Variants in DAB1 observed in about 807,000 individuals in gnomAD.
DAB1 encodes the protein DAB adaptor protein 1, also known as disabled homolog 1.
DAB1 carries 15 observed loss-of-function variants against 64.6 expected under a neutral mutation model. The ratio of observed to expected loss-of-function variants is 0.23; its 90% CI spans 0.16 to 0.36. The LOEUF is 0.36. Among genes scored for constraint, DAB1 ranks in the 10% least tolerant of loss-of-function variants. DAB1 has a pLI of 1.00. For synonymous variants in DAB1, 235 were observed against 251.9 expected, an observed-to-expected ratio of 0.93 and a Z score of 0.64; for missense variants, 596 against 706.7, an observed-to-expected ratio of 0.84 and a Z score of 1.78.
chr1:57,535,879 G>T (rs1269169288), intron 7 of DAB1, among the ~76,000 whole-genome samples: 2 of 152,168 alleles, frequency 1.3e-5, no homozygotes, highest in Non-Finnish European at 2.9e-5. Flanking sequence ...ATCTTATGAT[G>T]AAATCCAAAA....
At chr1:57,605,861 C>T (rs1645629631) in intron 7 of DAB1, 3 of 590,290 alleles carry the variant, frequency 5.1e-6, no homozygotes, top group South Asian at 1.6e-5. Context: ...GCATCTGCAA[C>T]GGTGACTTCC....
intron 6 of DAB1, among the ~76,000 whole-genome samples, chr1:57,728,209 C>G (rs920606146): frequency 6.6e-6 from 1 of 152,118 alleles, no homozygotes; most frequent in Non-Finnish European, 1.5e-5. Flanking sequence ...CTGTTTTTTT[C>G]TGCATTAAAA....
At chr1:57,125,582 A>AGGCAAGTTAGAT (rs1657063073) in intron 4 of DAB1, among the ~76,000 whole-genome samples, 1 of 152,182 alleles carries the variant, frequency 6.6e-6, no homozygotes, top group Non-Finnish European at 1.5e-5. Flanking sequence ...GAAAGGAAGA[A>AGGCAAGTTAGAT]GGCAAGTTAG....
At chr1:58,265,195 A>T (rs1325050716) in intron 4 of DAB1, among the ~76,000 whole-genome samples, 4 of 152,244 alleles carry the variant, frequency 2.6e-5, no homozygotes, top group Admixed American at 6.5e-5. Flanking sequence ...CCCATTCAAT[A>T]AACAAGGAAA....
At chr1:57,929,299 G>T (rs1410766115) in intron 5 of DAB1, among the ~76,000 whole-genome samples, 3 of 152,180 alleles carry the variant, frequency 2.0e-5, no homozygotes, top group Non-Finnish European at 2.9e-5. Context: ...TTCTTATTGA[G>T]TGTTAAGACT....
intron 4 of DAB1, among the ~76,000 whole-genome samples, chr1:58,199,889 T>C (rs1342673334): frequency 6.6e-6 from 1 of 152,204 alleles, no homozygotes; most frequent in Non-Finnish European, 1.5e-5. Context: ...CGGACCCAAG[T>C]TTCTTCCAGG....
intron 1 of DAB1, among the ~76,000 whole-genome samples, chr1:57,874,842 G>C (rs1644016370): frequency 6.6e-6 from 1 of 152,164 alleles, no homozygotes; most frequent in African/African-American, 2.4e-5. Context: ...GCAAGCTGAA[G>C]AGAGTGCAGG....
At chr1:58,204,297 G>A (rs926368765) in intron 4 of DAB1, among the ~76,000 whole-genome samples, 1 of 152,180 alleles carries the variant, frequency 6.6e-6, no homozygotes, top group Non-Finnish European at 1.5e-5. Flanking sequence ...GAAAATAATA[G>A]AACCGAATTA....
At position 58,359,532 on chromosome 1, in the gene DAB1, T is replaced by C. The variant is rs916555690; in HGVS notation, n.258-16129A>G. 5.3e-5 allele frequency among the ~76,000 whole-genome samples: 8 copies of C among 152,282 alleles called. No homozygotes were observed. In the East Asian group the frequency reaches 1.4e-3, roughly 26 times the overall value. ...GACCAGCAAGTCAAGTTAGTAAGTC[T>C]ATTGCTCAGTGTCAGTGCCAGAGCT... On this transcript the variant is annotated intron_variant and non_coding_transcript_variant, in intron 3 of 20. Coordinates refer to the DAB1 transcript ENST00000485760.
At chr1:57,411,687 T>G (rs1684126765) in intron 1 of DAB1, among the ~76,000 whole-genome samples, 1 of 152,180 alleles carries the variant, frequency 6.6e-6, no homozygotes, top group South Asian at 2.1e-4. Context: ...ACCCTCTCAT[T>G]AGCTCCATTC....
chr1:57,970,499 A>T (rs1645771729), intron 5 of DAB1, among the ~76,000 whole-genome samples: 1 of 152,122 alleles, frequency 6.6e-6, no homozygotes, highest in African/African-American at 2.4e-5. Flanking sequence ...TTAATTTAAA[A>T]CATGAGAAAA....
At chr1:57,637,798 A>T (rs185609017) in intron 7 of DAB1, among the ~76,000 whole-genome samples, 2 of 152,366 alleles carry the variant, frequency 1.3e-5, no homozygotes, top group East Asian at 3.9e-4. Flanking sequence ...AACAAAGGGT[A>T]GAATATCTCT....
chr1:58,038,472 G>A (rs1310072560), intron 5 of DAB1, among the ~76,000 whole-genome samples: 1 of 151,780 alleles, frequency 6.6e-6, no homozygotes, highest in East Asian at 1.9e-4. Context: ...CTTTTTTAAA[G>A]GAAAGAGAAA....
chr1:57,860,202 G>C (rs1476859707), intron 1 of DAB1, among the ~76,000 whole-genome samples: 1 of 152,152 alleles, frequency 6.6e-6, no homozygotes, highest in Non-Finnish European at 1.5e-5. Context: ...GTATTTTCAA[G>C]GGAACTAACA....
intron 1 of DAB1, among the ~76,000 whole-genome samples, chr1:57,414,135 G>T (rs186059054): frequency 6.6e-6 from 1 of 152,330 alleles, no homozygotes; most frequent in African/African-American, 2.4e-5. Context: ...CAGTGTCAGG[G>T]TTTGAGAGGA....
At chr1:57,860,063 C>G (rs1439113750) in intron 1 of DAB1, among the ~76,000 whole-genome samples, 1 of 152,082 alleles carries the variant, frequency 6.6e-6, no homozygotes, top group African/African-American at 2.4e-5. Flanking sequence ...GAAAATAAAC[C>G]AAAGAGAGGT....
chr1:57,438,235 A>T (rs1570518872), intron 7 of DAB1, among the ~76,000 whole-genome samples: 1 of 151,282 alleles, frequency 6.6e-6, no homozygotes, highest in Admixed American at 6.6e-5. Flanking sequence ...AAAAAAAAAA[A>T]TTACCTGTTT....
intron 6 of DAB1, among the ~76,000 whole-genome samples, chr1:57,756,673 A>AT (rs1160391380): frequency 6.7e-6 from 1 of 148,778 alleles, no homozygotes; most frequent in Non-Finnish European, 1.5e-5. Flanking sequence ...ACTGCAGGCA[A>AT]TAAAAAAAAA....
At chr1:57,482,477 TAAAAAAA>T (rs918167439) in intron 7 of DAB1, among the ~76,000 whole-genome samples, 4 of 61,200 alleles carry the variant, frequency 6.5e-5, no homozygotes, top group East Asian at 4.7e-4. Context: ...CTGAAAGTTG[TAAAAAAA>T]AAAAAAAAAA....
Sources: gnomAD v4.1 joint callset for allele counts (sites outside exome capture counted in the v4.1 genomes callset) on GRCh38, gnomAD v4.1.1 for gene constraint, MANE v1.5 for transcripts, NCBI Gene and HGNC (gene_info 2026-07-23, HGNC 2026-07-21) for gene names.